ADAMTS17: variants seen among roughly 807,000 people sequenced by gnomAD.
The protein encoded by ADAMTS17 is A disintegrin and metalloproteinase with thrombospondin motifs 17.
ADAMTS17 carries 113 observed loss-of-function variants against 141.5 expected under a neutral mutation model. The observed-to-expected ratio is 0.80, with a 90% CI of 0.69 to 0.93. The LOEUF is 0.93. Among genes scored for constraint, ADAMTS17 ranks in the 40% least tolerant of loss-of-function variants. The pLI is 0.00. For missense variants in ADAMTS17, 1,659 were observed against 1,517.9 expected, an observed-to-expected ratio of 1.09 and a Z score of -1.54; for synonymous variants, 768 against 630.6, an observed-to-expected ratio of 1.22 and a Z score of -3.27.
intron 20 of ADAMTS17, among the ~76,000 whole-genome samples, chr15:99,977,921 CCT>C (rs1412034440): frequency 5.9e-5 from 9 of 152,192 alleles, no homozygotes; most frequent in East Asian, 1.9e-4. Context: ...CCACACAACC[CCT>C]GATTTACAGG....
chr15:99,974,478 C>CG lies in ADAMTS17; in HGVS notation c.3211dup (p.Arg1071ProfsTer68). ...GGTCTGGCAGCAGCGCTGGTACCAC[C>CG]GCATGTCCTGGCAGAGGTTCTTTTC... On this transcript the variant is annotated frameshift_variant, in exon 22 of 22. Transcript: ENST00000268070. LOFTEE classifies it high-confidence loss of function. The CG allele has an allele frequency of 6.2e-7, 1 of 1,614,212 alleles. No individual in the cohort carries two copies. Among genetic ancestry groups the CG allele is most frequent in the Non-Finnish European group, 8.5e-7 (1 of 1,180,036 alleles).
chr15:100,046,576 G>C (rs552167226), intron 18 of ADAMTS17, among the ~76,000 whole-genome samples: 1 of 152,232 alleles, frequency 6.6e-6, no homozygotes, highest in Non-Finnish European at 1.5e-5. Flanking sequence ...GCAGAAGAAC[G>C]TGGATTGTGA....
chr15:100,102,877 CTTG>C (rs970221514), intron 14 of ADAMTS17, among the ~76,000 whole-genome samples: 6 of 152,152 alleles, frequency 3.9e-5, no homozygotes, highest in African/African-American at 1.4e-4. Flanking sequence ...CACCCTCGGA[CTTG>C]TTTTCAGCCC....
In ADAMTS17 at chr15:100,331,059, C is replaced by A. The variant is rs760709819; in HGVS notation, c.451-5G>T. The A allele has an allele frequency of 6.2e-7, 1 of 1,614,160 alleles. No individual in the cohort carries two copies. On this transcript the variant is annotated splice_polypyrimidine_tract_variant and splice_region_variant and intron_variant, in intron 2 of 21. Transcript: ENST00000268070. ...CCCAAGCTGAATGAGGCCAACCTGT[C>A]CAGAAAGGAGAAGGAAACGCGATGT...
chr15:100,231,787 G>A (rs1461879395), intron 7 of ADAMTS17, among the ~76,000 whole-genome samples: 1 of 152,026 alleles, frequency 6.6e-6, no homozygotes, highest in African/African-American at 2.4e-5. Context: ...CTGAGCTTTG[G>A]GTATGCATTT....
rs1596263852 is a variant in ADAMTS17, at chr15:100,029,789, A to G, written c.2591+19068T>C. ...TTCACCAAATCTGGTGATTTCCACCATGCTTTCTGAGTTAAAATGTCAAGG... is the reference window on the plus strand; with the variant it reads ...TTCACCAAATCTGGTGATTTCCACCGTGCTTTCTGAGTTAAAATGTCAAGG... On this transcript the variant is annotated intron_variant, in intron 18 of 21. Transcript: ENST00000268070. Among the ~76,000 whole-genome samples, 4 of 152,316 alleles carry G rather than the reference A, an allele frequency of 2.6e-5. No homozygotes were observed. In the East Asian group the frequency reaches 5.8e-4, roughly 22 times the overall value.
intron 12 of ADAMTS17, among the ~76,000 whole-genome samples, chr15:100,127,300 C>T (rs1002112756): frequency 2.6e-5 from 4 of 152,208 alleles, no homozygotes; most frequent in Middle Eastern, 3.4e-3. Context: ...CAATGACAAG[C>T]GTTCTTCCAA....
chr15:100,027,056 A>AT (rs1185015674), intron 18 of ADAMTS17, among the ~76,000 whole-genome samples: 2 of 152,222 alleles, frequency 1.3e-5, no homozygotes, highest in Non-Finnish European at 2.9e-5. Context: ...AGGTGAAGGC[A>AT]TTATGGGCAG....
rs527420212 is a variant in ADAMTS17 at position 100,317,758 on chromosome 15, CA to C, written c.616+13130del. ...CGAGGCATGCATGTGGTTTTCTTCT[CA>C]TGTTATGGTGACAAGGTAGCCTTTC... On this transcript the variant is annotated intron_variant, in intron 3 of 21. Transcript: ENST00000268070. Among the ~76,000 whole-genome samples the C allele has an allele frequency of 1.6e-3, 249 of 152,308 alleles. 1 individual carries two copies. Among genetic ancestry groups the C allele is most frequent in the African/African-American group, 5.8e-3 (243 of 41,566 alleles).
chr15:100,168,639 A>G (rs542008716), intron 8 of ADAMTS17: 1 of 152,274 alleles, frequency 6.6e-6, no homozygotes, highest in African/African-American at 2.4e-5. Context: ...GTACGTGGAG[A>G]GCAATTCCTC....
chr15:100,096,642 A>G (rs183884101), intron 14 of ADAMTS17, among the ~76,000 whole-genome samples, 166 bp from the exon 15 acceptor site: 1 of 152,376 alleles, frequency 6.6e-6, no homozygotes, highest in Non-Finnish European at 1.5e-5. Context: ...GAGAAAAAAG[A>G]TGCACAGAAT....
intron 7 of ADAMTS17, among the ~76,000 whole-genome samples, chr15:100,203,987 G>T (rs1430067380): frequency 6.6e-6 from 1 of 151,998 alleles, no homozygotes; most frequent in Non-Finnish European, 1.5e-5. Context: ...CCATCCACTA[G>T]CTCTGTGACC....
chr15:100,308,749 C>T (rs963551761), intron 3 of ADAMTS17, among the ~76,000 whole-genome samples: 3 of 152,174 alleles, frequency 2.0e-5, no homozygotes. Context: ...CGAGACAACC[C>T]AGTGTACATC....
chr15:100,253,287 C>G (rs1406223368), intron 7 of ADAMTS17, among the ~76,000 whole-genome samples: 1 of 144,140 alleles, frequency 6.9e-6, no homozygotes, highest in African/African-American at 2.6e-5. Flanking sequence ...CATGAGAACT[C>G]AAGAGCAAAC....
intron 20 of ADAMTS17, among the ~76,000 whole-genome samples, chr15:99,984,945 AG>A (rs1378697424): frequency 6.6e-6 from 1 of 152,230 alleles, no homozygotes; most frequent in Non-Finnish European, 1.5e-5. Context: ...GAGGGACGGC[AG>A]GGGACCCAGG....
At chr15:100,269,744 C>T (rs1358271888) in intron 4 of ADAMTS17, among the ~76,000 whole-genome samples, 1 of 152,186 alleles carries the variant, frequency 6.6e-6, no homozygotes, top group Non-Finnish European at 1.5e-5. Flanking sequence ...ATGACCAGCC[C>T]TCACTCCTCA....
intron 3 of ADAMTS17, among the ~76,000 whole-genome samples, chr15:100,282,343 G>C (rs2044313027): frequency 6.6e-6 from 1 of 152,146 alleles, no homozygotes; most frequent in Admixed American, 6.5e-5. Context: ...ACCAAAACTG[G>C]ATACAGCAGG....
At position 99,993,368 on chromosome 15, in the gene ADAMTS17, G is replaced by A. The variant is rs2060730320; in HGVS notation, c.2797-168C>T. Among the ~76,000 whole-genome samples, 1 of 152,202 alleles carries A rather than the reference G, an allele frequency of 6.6e-6. No homozygotes were observed. The highest frequency in any genetic ancestry group is 2.4e-5 in the African/African-American group (1 of 41,444). ...TGGTCTGCAGGGTCTTACGCACGTG[G>A]TCCCAGCTGGGGCCCCAGCCGAGTG... On this transcript the variant is annotated intron_variant, in intron 19 of 21. Transcript: ENST00000268070. This position sits in a 1 kb window ranked among gnomAD's most constrained non-coding sequence, Gnocchi z 4.3.
intron 12 of ADAMTS17, among the ~76,000 whole-genome samples, chr15:100,124,879 C>G (rs1487417571): frequency 6.6e-6 from 1 of 152,114 alleles, no homozygotes; most frequent in African/African-American, 2.4e-5. Flanking sequence ...TAGACACAAG[C>G]CCAGAGCAGA....
Sources: allele counts gnomAD v4.1 joint callset (sites outside exome capture counted in the v4.1 genomes callset), GRCh38; gene constraint gnomAD v4.1.1; non-coding constraint Gnocchi (gnomAD v3.1); transcripts MANE v1.5; gene names NCBI Gene and HGNC (gene_info 2026-07-23, HGNC 2026-07-21).